The following PBX3 variants were observed in gnomAD, a reference collection of about 807,000 sequenced individuals.
The protein encoded by PBX3 is PBX homeobox 3.
A neutral mutation model predicts 48.5 loss-of-function variants in PBX3; 14 were observed. The ratio of observed to expected loss-of-function variants is 0.29; its 90% CI spans 0.19 to 0.45. The LOEUF is 0.45. PBX3 is among the 20% of genes least tolerant of loss of function. The probability of loss-of-function intolerance (pLI) is 1.00; values close to 1 mark genes in which losing one functional copy is unlikely to be tolerated. For missense variants in PBX3, 386 were observed against 546.7 expected (o/e 0.71, Z 2.93); for synonymous variants, 210 against 200.3 (o/e 1.05, Z -0.41).
At chr9:125,857,125 G>A (rs10986982) in intron 2 of PBX3, among the ~76,000 whole-genome samples, 3,051 of 152,090 alleles carry the variant, frequency 0.02, 168 homozygotes, top group East Asian at 0.17. Context: ...GAATTTCAGG[G>A]GATTTAAACT....
chr9:125,793,949 G>A lies in PBX3; in HGVS notation c.274+45326G>A, dbSNP rs1282088154. Among the ~76,000 whole-genome samples, 27 of 152,190 alleles carry A rather than the reference G, an allele frequency of 1.8e-4. 1 individual carries two copies. Among genetic ancestry groups the A allele is most frequent in the Admixed American group, 1.7e-3 (26 of 15,282 alleles). Reference sequence around the variant, plus strand: ...ATGAAGATTTAAAAACATACAGAGAGAGTAATGTTATAAACTTCTGTGTAC... The same window carrying A: ...ATGAAGATTTAAAAACATACAGAGAAAGTAATGTTATAAACTTCTGTGTAC... On this transcript the variant is annotated intron_variant, in intron 2 of 8. Transcript: ENST00000373489.
chr9:125,786,104 A>C (rs2132049489), intron 2 of PBX3, among the ~76,000 whole-genome samples: 2 of 152,182 alleles, frequency 1.3e-5, no homozygotes, highest in Middle Eastern at 3.4e-3. Flanking sequence ...TGCTGATATC[A>C]CTCCCAAAAG....
At chr9:125,762,170 T>C (rs1034821702) in intron 2 of PBX3, among the ~76,000 whole-genome samples, 2 of 152,192 alleles carry the variant, frequency 1.3e-5, no homozygotes. Context: ...TTACCCTTCT[T>C]GTCATTTTTT....
chr9:125,961,748 A>G (rs1842435780), intron 6 of PBX3, among the ~76,000 whole-genome samples: 1 of 152,216 alleles, frequency 6.6e-6, no homozygotes, highest in South Asian at 2.1e-4. Context: ...CCATGTTGAC[A>G]AGCTCGTGTA....
rs527902964 is a variant in PBX3 at position 125,851,845 on chromosome 9, T to C, written c.275-63841T>C. Among the ~76,000 whole-genome samples, 5 of 151,016 alleles carry C rather than the reference T, an allele frequency of 3.3e-5. No homozygotes were observed. The South Asian group carries it at 1.0e-3, about 31-fold the overall frequency. On this transcript the variant is annotated intron_variant, in intron 2 of 8. Transcript: ENST00000373489. ...AATTAAAAGCATTTGTTTAGAAGTT[T>C]AGAGAATTCAAAAAATTTTTGCTGC...
intron 6 of PBX3, 25 bp downstream of exon 6, chr9:125,960,874 A>G (rs756939647): frequency 6.2e-7 from 1 of 1,607,050 alleles, no homozygotes. Flanking sequence ...CTCGCTCCCC[A>G]ACTGGCCCAG....
At chr9:125,781,877 G>A (rs1320832587) in intron 2 of PBX3, among the ~76,000 whole-genome samples, 1 of 150,968 alleles carries the variant, frequency 6.6e-6, no homozygotes, top group Non-Finnish European at 1.5e-5. Context: ...TATAAGTTTT[G>A]GTATGTTGTA....
intron 2 of PBX3, among the ~76,000 whole-genome samples, chr9:125,856,687 A>G (rs1333758261): frequency 6.6e-6 from 1 of 152,230 alleles, no homozygotes; most frequent in Non-Finnish European, 1.5e-5. Context: ...GTTTGGTTTG[A>G]TGTCACTGTT....
At chr9:125,880,999 TGTTA>T (rs1202758774) in intron 2 of PBX3, among the ~76,000 whole-genome samples, 3 of 152,260 alleles carry the variant, frequency 2.0e-5, no homozygotes, top group African/African-American at 4.8e-5. Flanking sequence ...GTTCTCAATG[TGTTA>T]GTTAATGTTT....
intron 2 of PBX3, among the ~76,000 whole-genome samples, chr9:125,832,165 T>C (rs1269465739): frequency 2.0e-5 from 3 of 151,802 alleles, no homozygotes; most frequent in Non-Finnish European, 2.9e-5. Context: ...ATTTATTCTA[T>C]ATATTGTTAT....
chr9:125,771,119 AT>A (rs1378497977), intron 2 of PBX3, among the ~76,000 whole-genome samples: 1 of 152,256 alleles, frequency 6.6e-6, no homozygotes, highest in East Asian at 1.9e-4. Context: ...AAGATTTAGG[AT>A]TGTGTGTGAT....
At chr9:125,908,627 A>AT (rs1292942521) in intron 2 of PBX3, among the ~76,000 whole-genome samples, 1 of 152,130 alleles carries the variant, frequency 6.6e-6, no homozygotes, top group Non-Finnish European at 1.5e-5. Flanking sequence ...CCATTAGATC[A>AT]TTAGGTCACT....
intron 2 of PBX3, among the ~76,000 whole-genome samples, chr9:125,788,374 G>C (rs1460176809): frequency 6.6e-6 from 1 of 152,320 alleles, no homozygotes; most frequent in East Asian, 1.9e-4. Flanking sequence ...TAAAGCAGTG[G>C]TGTCGTGGGA....
At chr9:125,963,264 T>C (rs1105727) in intron 8 of PBX3, among the ~76,000 whole-genome samples, 163 bp downstream of exon 8, 97,187 of 152,094 alleles carry the variant, frequency 0.64, 32,352 homozygotes, top group East Asian at 0.77. Flanking sequence ...CTTGATGCCG[T>C]CTAGATACCC....
At chr9:125,863,072 A>AT (rs1439119740) in intron 2 of PBX3, among the ~76,000 whole-genome samples, 1 of 148,622 alleles carries the variant, frequency 6.7e-6, no homozygotes, top group African/African-American at 2.5e-5. Flanking sequence ...TAATTTTTGT[A>AT]TTTTTTGTAG....
chr9:125,755,755 A>G (rs1432868736), intron 2 of PBX3, among the ~76,000 whole-genome samples: 1 of 148,406 alleles, frequency 6.7e-6, no homozygotes, highest in Non-Finnish European at 1.5e-5. Flanking sequence ...AAGCTTCCAG[A>G]ACATTGGTGG....
intron 2 of PBX3, among the ~76,000 whole-genome samples, chr9:125,838,714 T>A (rs926905084): frequency 1.3e-5 from 2 of 152,198 alleles, no homozygotes; most frequent in African/African-American, 4.8e-5. Context: ...GTGACAAAAA[T>A]ATAGATAGAT....
intron 5 of PBX3, among the ~76,000 whole-genome samples, chr9:125,942,812 A>G (rs771169581): frequency 1.2e-4 from 19 of 152,218 alleles, no homozygotes; most frequent in Non-Finnish European, 2.2e-4. Context: ...CGCAGAGAAT[A>G]AAAGAGCAGG....
chr9:125,868,999 A>G (rs771336222), intron 2 of PBX3, among the ~76,000 whole-genome samples: 23 of 152,216 alleles, frequency 1.5e-4, no homozygotes, highest in South Asian at 1.0e-3. Context: ...ACTATGAGAT[A>G]GCAGCAACAT....
Sources: gnomAD v4.1 joint callset for allele counts (sites outside exome capture counted in the v4.1 genomes callset) on GRCh38, gnomAD v4.1.1 for gene constraint, MANE v1.5 for transcripts, NCBI Gene and HGNC (gene_info 2026-07-23, HGNC 2026-07-21) for gene names.